TOX3: variants seen among roughly 807,000 people sequenced by gnomAD.
TOX3 encodes TOX high mobility group box family member 3.
A neutral mutation model predicts 64.3 loss-of-function variants in TOX3; 22 were observed. The observed-to-expected ratio is 0.34, with a 90% CI of 0.24 to 0.49. The LOEUF (loss-of-function observed/expected upper bound fraction) is 0.49, where lower values mean the gene tolerates loss of function less well. TOX3 is among the 20% of genes least tolerant of loss of function. TOX3 has a pLI of 0.99. For missense variants in TOX3, 661 were observed against 714.4 expected (o/e 0.93, Z 0.85); for synonymous variants, 291 against 273.6 (o/e 1.06, Z -0.63).
At chr16:52,497,560 A>T (rs907838340) in intron 1 of TOX3, among the ~76,000 whole-genome samples, 2 of 152,232 alleles carry the variant, frequency 1.3e-5, no homozygotes, top group African/African-American at 4.8e-5. Context: ...GCAAAATGCC[A>T]ATCAACAAGT....
In TOX3 at chr16:52,446,173, T is replaced by C; in HGVS notation, c.727A>G (p.Thr243Ala). 6.2e-7 allele frequency: 1 copy of C among 1,613,820 alleles called. No homozygotes were observed. Among genetic ancestry groups the C allele is most frequent in the Non-Finnish European group, 8.5e-7 (1 of 1,179,844 alleles). ...TCTTTCTTTTTCTTTTTCTTTGGAG[T>C]CTTGGGCTTCTTGCCAGAGTCTGGA... ...AAPDSGKKPK[T>A]PKKKKKKDPN... The change falls in exon 5 of 7, where the codon ACT (threonine) becomes GCT (alanine). Residue 243 changes from threonine to alanine, a missense_variant. Physicochemically the swap from Thr to Ala is moderately conservative, Grantham distance 58 (BLOSUM62 0). Around this residue, in one of 3 missense-constraint regions of TOX3, gnomAD observed 103 missense variants for 161.2 expected, o/e 0.64. Coordinates refer to ENST00000219746, the MANE Select transcript of TOX3 (RefSeq NM_001080430.4).
rs148786422 is a variant in TOX3 at position 52,508,732 on chromosome 16, G to A, written c.87+37905C>T. On this transcript the variant is annotated intron_variant, in intron 1 of 6. Transcript: ENST00000219746. ...AGGGAGGGAGTTGCAACTGAGAAGC[G>A]CACAGAGAGAACTTCAAAATTATTG... is the stretch of plus-strand genomic sequence containing the variant. Among the ~76,000 whole-genome samples, 118 of 152,106 alleles carry A rather than the reference G, an allele frequency of 7.8e-4. 2 individuals carry two copies. Among genetic ancestry groups the A allele is most frequent in the East Asian group, 4.6e-3 (24 of 5,174 alleles).
At chr16:52,545,951 G>T (rs1251184235) in intron 1 of TOX3, among the ~76,000 whole-genome samples, 3 of 152,110 alleles carry the variant, frequency 2.0e-5, no homozygotes, top group Non-Finnish European at 4.4e-5. Flanking sequence ...TGGTGTGGAG[G>T]TCTCCAATCC....
At chr16:52,536,905 A>ATT (rs1255615363) in intron 1 of TOX3, among the ~76,000 whole-genome samples, 8 of 150,910 alleles carry the variant, frequency 5.3e-5, no homozygotes, top group Non-Finnish European at 1.2e-4. Context: ...ATATTTACAT[A>ATT]TTTTATATAT....
chr16:52,533,076 G>A (rs1418534946), intron 1 of TOX3, among the ~76,000 whole-genome samples: 1 of 152,176 alleles, frequency 6.6e-6, no homozygotes, highest in Non-Finnish European at 1.5e-5. Context: ...GGGCCTGGGT[G>A]GGAAAGATAT....
chr16:52,445,844 T>C (rs1318995233), intron 5 of TOX3, 150 bp downstream of exon 5: 3 of 725,472 alleles, frequency 4.1e-6, no homozygotes, highest in East Asian at 5.4e-5. Flanking sequence ...TTTAGATTTA[T>C]ATGTCTGGGT....
intron 1 of TOX3, among the ~76,000 whole-genome samples, chr16:52,523,356 A>G (rs1962654370): frequency 6.6e-6 from 1 of 152,138 alleles, no homozygotes; most frequent in African/African-American, 2.4e-5. Flanking sequence ...AATGTCCACC[A>G]CTGAGTTAAG....
intron 6 of TOX3, 146 bp downstream of exon 6, chr16:52,444,130 C>T (rs1313872428): frequency 1.8e-6 from 1 of 553,698 alleles, no homozygotes; most frequent in Non-Finnish European, 3.2e-6. Flanking sequence ...CTTGGGTAAT[C>T]TCTAATGGAA....
intron 4 of TOX3, among the ~76,000 whole-genome samples, chr16:52,447,062 C>T (rs1369630213): frequency 6.6e-6 from 1 of 152,142 alleles, no homozygotes; most frequent in Non-Finnish European, 1.5e-5. Flanking sequence ...ATCAGAACCA[C>T]AAACTGATAT....
At chr16:52,451,960 A>G (rs1368223950) in intron 3 of TOX3, among the ~76,000 whole-genome samples, 1 of 152,050 alleles carries the variant, frequency 6.6e-6, no homozygotes, top group African/African-American at 2.4e-5. Flanking sequence ...AGGTACTCAG[A>G]TGCATCCCCA....
intron 1 of TOX3, among the ~76,000 whole-genome samples, chr16:52,492,863 A>C (rs1197288588): frequency 6.6e-6 from 1 of 150,856 alleles, no homozygotes; most frequent in Non-Finnish European, 1.5e-5. Flanking sequence ...TTGTGTTTTC[A>C]TGAGAGGCAC....
At position 52,439,935 on chromosome 16, in the gene TOX3, G is replaced by A. The variant is rs948733706; in HGVS notation, c.1021C>T (p.Arg341Cys). Residue 341 changes from arginine to cysteine, a missense_variant, in exon 7 of 7, where the codon CGT becomes TGT. Physicochemically the swap from Arg to Cys is radical, Grantham distance 180. This residue lies in a region of TOX3 where 299 missense variants were observed against 292.1 expected (regional missense o/e 1.02). Transcript: ENST00000219746. The stretch of plus-strand genomic sequence containing the variant: ...GACGCCAGGGTCTGCTGAACAGAAC[G>A]GATGGTCTGGGCTTCTGCTGACTCA... ...AAESAEAQTIRSVQQTLASTN... is the reference protein window; with the variant it reads ...AAESAEAQTICSVQQTLASTN... 21 of 1,587,032 alleles carry A rather than the reference G, an allele frequency of 1.3e-5. No individual in the cohort carries two copies. The highest frequency in any genetic ancestry group is 6.8e-5 in the Admixed American group (4 of 58,446).
At chr16:52,507,220 G>A (rs1220803414) in intron 1 of TOX3, among the ~76,000 whole-genome samples, 1 of 152,176 alleles carries the variant, frequency 6.6e-6, no homozygotes, top group African/African-American at 2.4e-5. Context: ...GGAGGGGGCT[G>A]TTTTGTATCA....
At chr16:52,539,641 T>C (rs1032920514) in intron 1 of TOX3, among the ~76,000 whole-genome samples, 6 of 152,214 alleles carry the variant, frequency 3.9e-5, no homozygotes, top group African/African-American at 1.4e-4. Context: ...TCATCTGCTT[T>C]ACTACAAACA....
intron 3 of TOX3, among the ~76,000 whole-genome samples, chr16:52,451,997 G>A (rs61257457): frequency 0.024 from 3,607 of 152,066 alleles, 129 homozygotes; most frequent in African/African-American, 0.082. Flanking sequence ...TGCTAACAAC[G>A]TCCCTCCCCG....
intron 4 of TOX3, among the ~76,000 whole-genome samples, chr16:52,450,019 T>C (rs1027855444): frequency 1.3e-5 from 2 of 152,150 alleles, no homozygotes; most frequent in African/African-American, 2.4e-5. Context: ...ATTAGAAAAA[T>C]TGGGCCTACA....
chr16:52,475,930 C>G (rs1961195335), intron 1 of TOX3, among the ~76,000 whole-genome samples: 1 of 152,076 alleles, frequency 6.6e-6, no homozygotes, highest in Non-Finnish European at 1.5e-5. Flanking sequence ...CTCCAAAGCA[C>G]TCTAATATTT....
chr16:52,505,685 A>G (rs9933638), intron 1 of TOX3, among the ~76,000 whole-genome samples: 63,629 of 152,030 alleles, frequency 0.42, 14,019 homozygotes, highest in East Asian at 0.58. Context: ...AGAATTAGGA[A>G]TCTCTAGAAG....
intron 3 of TOX3, among the ~76,000 whole-genome samples, chr16:52,454,678 T>A (rs1960463154): frequency 6.6e-6 from 1 of 152,100 alleles, no homozygotes; most frequent in Non-Finnish European, 1.5e-5. Context: ...GACTACCACA[T>A]AAAAAGAGGA....
Sources: allele counts gnomAD v4.1 joint callset (sites outside exome capture counted in the v4.1 genomes callset), GRCh38; gene constraint gnomAD v4.1.1; regional missense constraint gnomAD v4.1.1; transcripts MANE v1.5; gene names NCBI Gene and HGNC (gene_info 2026-07-23, HGNC 2026-07-21).